Variants in PDE4C observed in about 807,000 individuals in gnomAD.
PDE4C encodes 3',5'-cyclic-AMP phosphodiesterase 4C.
A neutral mutation model predicts 63.9 loss-of-function variants in PDE4C; 50 were observed. That is an observed-to-expected ratio of 0.78 (90% CI 0.62 to 0.99). PDE4C has a LOEUF of 0.99. Among genes scored for constraint, PDE4C ranks in the 50% least tolerant of loss-of-function variants. The probability of loss-of-function intolerance (pLI) is 0.00; values close to 1 mark genes in which losing one functional copy is unlikely to be tolerated. For synonymous variants in PDE4C, 377 were observed against 385.1 expected (o/e 0.98, Z 0.25); for missense variants, 777 against 899.1 (o/e 0.86, Z 1.74).
At chr19:18,243,056 G>A (rs1229184849) in intron 1 of PDE4C, among the ~76,000 whole-genome samples, 2 of 152,150 alleles carry the variant, frequency 1.3e-5, no homozygotes, top group Admixed American at 6.6e-5. Context: ...GGGGCTGAAA[G>A]ACAGGCCATA....
chr19:18,234,840 T>G (rs1317832868), upstream of PDE4C, among the ~76,000 whole-genome samples: 1 of 152,156 alleles, frequency 6.6e-6, no homozygotes, highest in African/African-American at 2.4e-5. Flanking sequence ...TCTTGCTGTG[T>G]GACGCATGAC....
At chr19:18,251,374 C>T (rs1434789702), upstream of PDE4C, among the ~76,000 whole-genome samples, 1 of 151,306 alleles carries the variant, frequency 6.6e-6, no homozygotes, top group Non-Finnish European at 1.5e-5. Context: ...GATCCTCCCA[C>T]CTTGGCCTCC....
chr19:18,224,297 G>A (rs1968627842), intron 1 of PDE4C: 3 of 985,482 alleles, frequency 3.0e-6, no homozygotes, highest in South Asian at 4.7e-5. Flanking sequence ...AACCGGGACC[G>A]CCTGAGACTC....
chr19:18,215,723 C>A (rs1186763536), intron 12 of PDE4C, among the ~76,000 whole-genome samples: 1 of 151,870 alleles, frequency 6.6e-6, no homozygotes, highest in African/African-American at 2.4e-5. Flanking sequence ...CCATGTTGGC[C>A]AGGATGGTCT....
At chr19:18,216,258 C>T (rs1323864727) in intron 12 of PDE4C, among the ~76,000 whole-genome samples, 1 of 150,094 alleles carries the variant, frequency 6.7e-6, no homozygotes, top group East Asian at 2.0e-4. Flanking sequence ...CAGTCACTAG[C>T]CCCTTTTTTT....
chr19:18,246,293 C>T (rs1969131660), intron 1 of PDE4C, among the ~76,000 whole-genome samples: 1 of 151,334 alleles, frequency 6.6e-6, no homozygotes, highest in South Asian at 2.1e-4. Context: ...AAGCAGTCCT[C>T]CTACCTTAGC....
chr19:18,221,162 C>A, exon 4 of PDE4C: 2 of 1,583,962 alleles, frequency 1.3e-6, no homozygotes, highest in Non-Finnish European at 1.7e-6. Flanking sequence ...CCGAACGGTC[C>A]GCAGACTGGC....
At chr19:18,221,058 C>CCCCCCCCCCCCCCCCCCCCAGG in intron 4 of PDE4C, 47 bp downstream of exon 4, 2 of 1,221,610 alleles carry the variant, frequency 1.6e-6, no homozygotes, top group African/African-American at 1.5e-5. Context: ...TTCCGCCCAC[C>CCCCCCCCCCCCCCCCCCCCAGG]TTGTCTCTGC....
intron 9 of PDE4C, 78 bp from the exon 10 acceptor site, chr19:18,218,576 ACT>A (rs1408380646): frequency 6.6e-7 from 1 of 1,513,248 alleles, no homozygotes; most frequent in Non-Finnish European, 9.1e-7. Flanking sequence ...TCTCTTCTGA[ACT>A]CCTATCTATG....
chr19:18,232,019 A>G (rs1968858478), intron 1 of PDE4C, among the ~76,000 whole-genome samples: 1 of 150,496 alleles, frequency 6.6e-6, no homozygotes, highest in South Asian at 2.1e-4. Context: ...GCAAGAGAAG[A>G]CTCCTCCCCC....
upstream of PDE4C, chr19:18,233,682 G>T: frequency 2.9e-6 from 1 of 350,738 alleles, no homozygotes; most frequent in Non-Finnish European, 5.6e-6. Context: ...GGGTTCTCCG[G>T]GTGGATGAGA....
At chr19:18,214,948 C>CA (rs34534126) in intron 12 of PDE4C, among the ~76,000 whole-genome samples, 1,690 of 102,208 alleles carry the variant, frequency 0.017, 13 homozygotes, top group Admixed American at 0.022. Flanking sequence ...GACTCCATTT[C>CA]AAAAAAAAAA....
At chr19:18,209,389 T>C (rs1185913931), downstream of PDE4C, 1 of 152,022 alleles carries the variant, frequency 6.6e-6, no homozygotes, top group African/African-American at 2.4e-5. Flanking sequence ...GTAGCTGGGA[T>C]TCAGGCACCC....
chr19:18,230,603 T>A (rs1389426514), upstream of PDE4C, among the ~76,000 whole-genome samples: 1 of 152,180 alleles, frequency 6.6e-6, no homozygotes, highest in African/African-American at 2.4e-5. Context: ...ACATGCCTGA[T>A]CCTCTTGAGT....
chr19:18,211,115 G>A (rs773178959), exon 15 of PDE4C: 28 of 1,613,950 alleles, frequency 1.7e-5, no homozygotes, highest in Admixed American at 8.3e-5. Flanking sequence ...TGTCAGGCCC[G>A]TCCCGCTCGG....
intron 2 of PDE4C, 74 bp from the exon 3 acceptor site, chr19:18,221,371 C>T (rs1968478651): frequency 7.0e-7 from 1 of 1,421,072 alleles, no homozygotes; most frequent in Non-Finnish European, 9.5e-7. Flanking sequence ...ATGCCCTCAA[C>T]TGAGGGGGTC....
upstream of PDE4C, among the ~76,000 whole-genome samples, chr19:18,252,905 C>A (rs1032972054): frequency 6.6e-6 from 1 of 152,158 alleles, no homozygotes; most frequent in African/African-American, 2.4e-5. Context: ...TCATGCCCAG[C>A]CTTTTCATTT....
chr19:18,213,776 G>C (rs1968074216), intron 12 of PDE4C, among the ~76,000 whole-genome samples: 1 of 152,194 alleles, frequency 6.6e-6, no homozygotes, highest in African/African-American at 2.4e-5. Flanking sequence ...TTGTCAGACA[G>C]AGTCTCCCAC....
intron 11 of PDE4C, among the ~76,000 whole-genome samples, chr19:18,217,622 C>T (rs1047851331): frequency 1.3e-5 from 2 of 151,984 alleles, no homozygotes; most frequent in Non-Finnish European, 1.5e-5. Context: ...ACTGTCTGGG[C>T]GCGGTGGCTC....
Sources: allele counts gnomAD v4.1 joint callset (sites outside exome capture counted in the v4.1 genomes callset), GRCh38; gene constraint gnomAD v4.1.1; transcripts MANE v1.5; gene names NCBI Gene and HGNC (gene_info 2026-07-23, HGNC 2026-07-21).